The following TDRD10 variants were observed in gnomAD, a reference collection of about 807,000 sequenced individuals.
TDRD10 encodes the protein tudor domain containing 10.
A neutral mutation model predicts 48.0 loss-of-function variants in TDRD10; 40 were observed. That is an observed-to-expected ratio of 0.83 (90% CI 0.65 to 1.09). TDRD10 has a LOEUF of 1.09. TDRD10 is among the 50% of genes least tolerant of loss of function. The pLI, the probability that TDRD10 is intolerant of heterozygous loss-of-function variation, is 0.00. For synonymous variants in TDRD10, 162 were observed against 170.4 expected, an observed-to-expected ratio of 0.95 and a Z score of 0.38; for missense variants, 378 against 434.7, an observed-to-expected ratio of 0.87 and a Z score of 1.16.
At chr1:154,509,949 C>A in intron 4 of TDRD10, 1 of 824,132 alleles carries the variant, frequency 1.2e-6, no homozygotes, top group Non-Finnish European at 1.5e-6. Context: ...GCACCTGGGG[C>A]TTGCTTGGCC....
chr1:154,521,005 C>T (rs776113357), intron 5 of TDRD10, among the ~76,000 whole-genome samples: 12 of 152,176 alleles, frequency 7.9e-5, no homozygotes, highest in Non-Finnish European at 1.6e-4. Context: ...TCCCAAAGTG[C>T]TGGGATTGCA....
At chr1:154,512,136 A>G (rs1279252060) in intron 4 of TDRD10, among the ~76,000 whole-genome samples, 1 of 152,080 alleles carries the variant, frequency 6.6e-6, no homozygotes, top group South Asian at 2.1e-4. Context: ...CCTCATACTC[A>G]TTAGCGGTCC....
At chr1:154,521,058 AG>A (rs1299455592) in intron 5 of TDRD10, among the ~76,000 whole-genome samples, 1 of 152,174 alleles carries the variant, frequency 6.6e-6, no homozygotes, top group African/African-American at 2.4e-5. Context: ...CTTTTGGGGC[AG>A]TAGTATTAAA....
At chr1:154,512,317 T>C (rs1408935918) in intron 4 of TDRD10, among the ~76,000 whole-genome samples, 1 of 152,132 alleles carries the variant, frequency 6.6e-6, no homozygotes, top group Admixed American at 6.6e-5. Context: ...TGTGTCTTAG[T>C]ACTTTGTTCC....
chr1:154,524,463 C>T (rs1179819109), intron 6 of TDRD10, among the ~76,000 whole-genome samples: 5 of 152,128 alleles, frequency 3.3e-5, no homozygotes, highest in African/African-American at 4.8e-5. Flanking sequence ...TGAGCCACTG[C>T]ACCCAGCCTA....
At position 154,521,496 on chromosome 1, in the gene TDRD10, T is replaced by C. The variant is rs761282926; in HGVS notation, c.369+17T>C. 8 of 1,612,352 alleles carry C rather than the reference T, an allele frequency of 5.0e-6. No homozygotes were observed. The highest frequency in any genetic ancestry group is 6.8e-6 in the Non-Finnish European group (8 of 1,179,686). On this transcript the variant is annotated intron_variant, in intron 6 of 12. Transcript: ENST00000368482. ...GCCCCGCTGGTATGTCTTCTGGCCT[T>C]TCTGCTCTGGGGCGTTCCATTTTCA...
intron 6 of TDRD10, among the ~76,000 whole-genome samples, chr1:154,526,417 ATTT>A (rs58821375): frequency 0.55 from 72,565 of 132,980 alleles, 21,250 homozygotes; most frequent in Non-Finnish European, 0.66. Context: ...ACTTTCACAG[ATTT>A]TTTTTTTTTT....
rs909095758 is a variant in TDRD10, at chr1:154,547,881, G to C, written c.*171G>C. On this transcript the variant is annotated 3_prime_UTR_variant, in exon 13 of 13. Coordinates refer to ENST00000368482, the MANE Select transcript of TDRD10 (RefSeq NM_182499.4). Reference sequence around the variant, plus strand: ...CTCCCAGCTTCCCTCTCAAAAGAGAGTGAAGTCTCATTTGTCATGTGTCTT... The same window carrying C: ...CTCCCAGCTTCCCTCTCAAAAGAGACTGAAGTCTCATTTGTCATGTGTCTT... The C allele has an allele frequency of 1.4e-6, 1 of 714,690 alleles. No homozygotes were observed. Among genetic ancestry groups the C allele is most frequent in the African/African-American group, 1.8e-5 (1 of 55,988 alleles). 44.3% of individuals were successfully genotyped at this position (714,690 alleles called of 1,614,324 possible).
At chr1:154,518,857 T>C (rs1412370908) in intron 4 of TDRD10, among the ~76,000 whole-genome samples, 1 of 152,232 alleles carries the variant, frequency 6.6e-6, no homozygotes, top group East Asian at 1.9e-4. Context: ...GTGGACTGGA[T>C]TTGGCCCAAG....
At chr1:154,532,441 C>T (rs1694685548) in intron 6 of TDRD10, among the ~76,000 whole-genome samples, 1 of 152,180 alleles carries the variant, frequency 6.6e-6, no homozygotes, top group Non-Finnish European at 1.5e-5. Flanking sequence ...GCCCTGGTTC[C>T]CACCTGTGCT....
In TDRD10 at chr1:154,542,774, GAC is replaced by G; in HGVS notation, c.458_459del (p.Thr153ArgfsTer38). 2 of 1,613,986 alleles carry G rather than the reference GAC, an allele frequency of 1.2e-6. No homozygotes were observed. Among genetic ancestry groups the G allele is most frequent in the Middle Eastern group, 1.7e-4 (1 of 6,052 alleles). Reference sequence around the variant, plus strand: ...CTAAAGCTCCTGTTGACCTGTGTGAGACAGAGAAACTGAGGGCAGCCTTCTTT... The same window carrying G: ...CTAAAGCTCCTGTTGACCTGTGTGAGAGAGAAACTGAGGGCAGCCTTCTTT... ...APKAPVDLCE[T>X]EKLRAAFFAV... On this transcript the variant is annotated frameshift_variant, in exon 8 of 13. Transcript: ENST00000368482. LOFTEE classifies it high-confidence loss of function.
intron 6 of TDRD10, among the ~76,000 whole-genome samples, chr1:154,538,971 C>T (rs1421657466): frequency 2.0e-5 from 3 of 152,316 alleles, no homozygotes; most frequent in Non-Finnish European, 2.9e-5. Context: ...GACTCACTCT[C>T]TAATTGTTTT....
intron 4 of TDRD10, among the ~76,000 whole-genome samples, chr1:154,519,692 A>G (rs1259204688): frequency 6.6e-6 from 1 of 152,178 alleles, no homozygotes; most frequent in Non-Finnish European, 1.5e-5. Flanking sequence ...GAAAAGAGAA[A>G]AAATAGGGTG....
At chr1:154,539,583 G>A (rs1490142132) in intron 6 of TDRD10, among the ~76,000 whole-genome samples, 1 of 152,182 alleles carries the variant, frequency 6.6e-6, no homozygotes, top group Admixed American at 6.5e-5. Context: ...AAAGTGCTGG[G>A]ATTACAGGCG....
intron 6 of TDRD10, among the ~76,000 whole-genome samples, chr1:154,526,455 T>A (rs1694323057): frequency 6.7e-6 from 1 of 149,138 alleles, no homozygotes; most frequent in Admixed American, 6.7e-5. Context: ...AGTCTTGCTC[T>A]GTCACGTGGC....
At chr1:154,514,993 G>T (rs1693680222) in intron 4 of TDRD10, among the ~76,000 whole-genome samples, 1 of 151,686 alleles carries the variant, frequency 6.6e-6, no homozygotes, top group Non-Finnish European at 1.5e-5. Context: ...TCAGCCTCCT[G>T]TGTAGCTGAG....
intron 6 of TDRD10, among the ~76,000 whole-genome samples, chr1:154,523,319 G>A (rs1261171509): frequency 1.3e-5 from 2 of 152,142 alleles, no homozygotes; most frequent in Non-Finnish European, 2.9e-5. Flanking sequence ...ATCCCACTCT[G>A]CGCTGTCCCC....
In TDRD10 at chr1:154,548,058, GA is replaced by G. The variant is rs752912075; in HGVS notation, c.*350del. 1.6e-4 allele frequency: 52 copies of G among 326,878 alleles called. No homozygotes were observed. The highest frequency in any genetic ancestry group is 1.3e-3 in the Admixed American group (28 of 22,056). 20.2% of individuals were successfully genotyped at this position (326,878 alleles called of 1,614,324 possible). On this transcript the variant is annotated 3_prime_UTR_variant, in exon 13 of 13. Transcript: ENST00000368482. ...GTCCTAACAGATTCTGGATAATGGAGAAGCCCTCTGCTGGTTTTCCTGGCAT... is the reference window on the plus strand; with the variant it reads ...GTCCTAACAGATTCTGGATAATGGAGAGCCCTCTGCTGGTTTTCCTGGCAT...
chr1:154,529,725 A>G (rs1036005818), intron 6 of TDRD10, among the ~76,000 whole-genome samples: 1 of 151,314 alleles, frequency 6.6e-6, no homozygotes, highest in African/African-American at 2.4e-5. Context: ...TTGTATTTTT[A>G]GTAGATACGG....
Sources: allele counts gnomAD v4.1 joint callset (sites outside exome capture counted in the v4.1 genomes callset), GRCh38; gene constraint gnomAD v4.1.1; transcripts MANE v1.5; gene names NCBI Gene and HGNC (gene_info 2026-07-23, HGNC 2026-07-21).